The following PPP4R4 variants were observed in gnomAD, a reference collection of about 807,000 sequenced individuals.
PPP4R4 encodes the protein protein phosphatase 4 regulatory subunit 4.
Under a neutral mutation model 121.8 loss-of-function variants are expected in PPP4R4, and 70 were observed. The observed-to-expected ratio is 0.57, with a 90% CI of 0.47 to 0.70. The LOEUF (loss-of-function observed/expected upper bound fraction) is 0.70, where lower values mean the gene tolerates loss of function less well. Among genes scored for constraint, PPP4R4 ranks in the 30% least tolerant of loss-of-function variants. The probability of loss-of-function intolerance (pLI) is 0.00; values close to 1 mark genes in which losing one functional copy is unlikely to be tolerated. For synonymous variants in PPP4R4, 348 were observed against 355.7 expected (o/e 0.98, Z 0.24); for missense variants, 875 against 1,033.6 (o/e 0.85, Z 2.10).
At chr14:94,188,785 G>C (rs1223432071) in intron 2 of PPP4R4, among the ~76,000 whole-genome samples, 1 of 152,022 alleles carries the variant, frequency 6.6e-6, no homozygotes, top group Non-Finnish European at 1.5e-5. Flanking sequence ...TAGCTTTACT[G>C]TAGTAATCAT....
At chr14:94,209,354 G>A (rs1890622497) in intron 3 of PPP4R4, among the ~76,000 whole-genome samples, 1 of 151,910 alleles carries the variant, frequency 6.6e-6, no homozygotes, top group South Asian at 2.1e-4. Flanking sequence ...TTTGGATATA[G>A]CTCTTGTCAT....
intron 8 of PPP4R4, among the ~76,000 whole-genome samples, chr14:94,238,551 G>C (rs1892464370): frequency 6.6e-6 from 1 of 152,174 alleles, no homozygotes; most frequent in African/African-American, 2.4e-5. Flanking sequence ...GTGGGAGAGG[G>C]TAAAGAGATA....
chr14:94,241,748 T>C lies in PPP4R4; in HGVS notation c.977-40T>C, dbSNP rs760029014. 6 of 1,459,322 alleles carry C rather than the reference T, an allele frequency of 4.1e-6. No individual in the cohort carries two copies. The African/African-American group carries it at 4.3e-5, about 10-fold the overall frequency. The allele number at this position is 1,459,322 out of a possible 1,614,324, so 90.4% of individuals were successfully genotyped here. A position where few individuals can be genotyped will look rare whatever the true frequency, so the allele number is the denominator to read the frequency against. Reference sequence around the variant, plus strand: ...GATTTTCCCTTTTTAAATTTTGTTTTCAATTGAAATGTTGAGCTAGTTTTT... The same window carrying C: ...GATTTTCCCTTTTTAAATTTTGTTTCCAATTGAAATGTTGAGCTAGTTTTT... On this transcript the variant is annotated intron_variant, in intron 9 of 24. Transcript: ENST00000304338.
At chr14:94,235,184 G>T (rs998653090) in intron 7 of PPP4R4, among the ~76,000 whole-genome samples, 3 of 151,994 alleles carry the variant, frequency 2.0e-5, no homozygotes, top group Admixed American at 1.3e-4. Flanking sequence ...ATGCTGTATT[G>T]TTCAGGAAAT....
At chr14:94,210,351 C>T (rs1462857076) in intron 3 of PPP4R4, among the ~76,000 whole-genome samples, 2 of 150,050 alleles carry the variant, frequency 1.3e-5, no homozygotes, top group African/African-American at 2.5e-5. Flanking sequence ...ATATGTATAG[C>T]GTATTTATAC....
At chr14:94,256,870 T>G (rs538849071) in intron 17 of PPP4R4, among the ~76,000 whole-genome samples, 1 of 152,276 alleles carries the variant, frequency 6.6e-6, no homozygotes, top group East Asian at 1.9e-4. Context: ...CAATAAACAC[T>G]GTTCAATTAA....
chr14:94,236,921 A>G (rs971281570), intron 7 of PPP4R4, among the ~76,000 whole-genome samples: 1 of 152,184 alleles, frequency 6.6e-6, no homozygotes, highest in African/African-American at 2.4e-5. Context: ...AAAGCTAACC[A>G]CATCACAAGG....
intron 3 of PPP4R4, among the ~76,000 whole-genome samples, chr14:94,214,669 A>G (rs534258762): frequency 1.2e-3 from 183 of 152,290 alleles, no homozygotes; most frequent in Middle Eastern, 3.4e-3. Flanking sequence ...TTATAAATAC[A>G]TTTGTAAATA....
At chr14:94,257,676 CTT>C (rs1893551519) in intron 17 of PPP4R4, among the ~76,000 whole-genome samples, 2 of 149,912 alleles carry the variant, frequency 1.3e-5, no homozygotes, top group African/African-American at 4.9e-5. Context: ...CACACACACA[CTT>C]GTTTCTACCA....
At chr14:94,237,445 A>G in intron 7 of PPP4R4, 120 bp from the exon 8 acceptor site, 1 of 867,162 alleles carries the variant, frequency 1.2e-6, no homozygotes, top group Non-Finnish European at 1.8e-6. Flanking sequence ...GGAGAGCAGG[A>G]ACAGTATCTT....
At position 94,259,389 on chromosome 14, in the gene PPP4R4, A is replaced by G. The variant is rs1893651809; in HGVS notation, c.2127+20A>G. 1.3e-6 allele frequency: 2 copies of G among 1,581,550 alleles called. No homozygotes were observed. Among genetic ancestry groups the G allele is most frequent in the African/African-American group, 1.4e-5 (1 of 72,996 alleles). ...GAAATGGTATGTTGTTTTCACATGC[A>G]CACACATATACTCTTTTCTGATTAA... is the stretch of plus-strand genomic sequence containing the variant. On this transcript the variant is annotated intron_variant, in intron 19 of 24. Coordinates refer to ENST00000304338, the MANE Select transcript of PPP4R4 (RefSeq NM_058237.2).
intron 2 of PPP4R4, among the ~76,000 whole-genome samples, chr14:94,190,317 A>G (rs1190918115): frequency 6.6e-6 from 1 of 152,110 alleles, no homozygotes; most frequent in African/African-American, 2.4e-5. Flanking sequence ...TATTTTTAAA[A>G]AGTATTTTAG....
At chr14:94,240,568 T>G (rs1892574682) in intron 8 of PPP4R4, 105 bp from the exon 9 acceptor site, 1 of 1,231,680 alleles carries the variant, frequency 8.1e-7, no homozygotes, top group Admixed American at 2.9e-5. Context: ...ACTATGAGGC[T>G]AACATAGTAA....
intron 4 of PPP4R4, 121 bp downstream of exon 4, chr14:94,230,855 G>A (rs35773091): frequency 0.19 from 222,407 of 1,147,722 alleles, 25,229 homozygotes; most frequent in East Asian, 0.59. Context: ...CTGCCTAGGA[G>A]TTGAGCAGTG....
chr14:94,255,489 T>A (rs1054751781), intron 16 of PPP4R4, among the ~76,000 whole-genome samples: 1 of 151,882 alleles, frequency 6.6e-6, no homozygotes, highest in Non-Finnish European at 1.5e-5. Flanking sequence ...TAGTCCCAGC[T>A]ACTCGGGAGG....
intron 5 of PPP4R4, among the ~76,000 whole-genome samples, chr14:94,232,002 A>G (rs755114771): frequency 7.2e-5 from 11 of 151,998 alleles, no homozygotes; most frequent in Non-Finnish European, 1.2e-4. Context: ...ATTCCTTTGC[A>G]ATTGTTTGAT....
intron 23 of PPP4R4, among the ~76,000 whole-genome samples, chr14:94,271,386 C>T (rs541375736): frequency 1.3e-5 from 2 of 152,190 alleles, no homozygotes; most frequent in African/African-American, 4.8e-5. Flanking sequence ...TGTAATACAT[C>T]ACACTAACAG....
At chr14:94,214,304 G>T (rs1477888377) in intron 3 of PPP4R4, among the ~76,000 whole-genome samples, 4 of 152,194 alleles carry the variant, frequency 2.6e-5, no homozygotes, top group East Asian at 3.9e-4. Flanking sequence ...ACTTTTTGGG[G>T]GTTTGGAGAG....
At chr14:94,180,808 A>G (rs994565265) in intron 2 of PPP4R4, among the ~76,000 whole-genome samples, 78 of 151,886 alleles carry the variant, frequency 5.1e-4, no homozygotes, top group Non-Finnish European at 5.9e-5. Flanking sequence ...GTGCATCTTT[A>G]TTTGGAACTT....
Sources: allele counts gnomAD v4.1 joint callset (sites outside exome capture counted in the v4.1 genomes callset), GRCh38; gene constraint gnomAD v4.1.1; transcripts MANE v1.5; gene names NCBI Gene and HGNC (gene_info 2026-07-23, HGNC 2026-07-21).